The following VTI1A variants were observed in gnomAD, a reference collection of about 807,000 sequenced individuals.
VTI1A encodes vesicle transport through interaction with t-SNAREs 1A.
Under a neutral mutation model 34.9 loss-of-function variants are expected in VTI1A, and 22 were observed. That is an observed-to-expected ratio of 0.63 (90% CI 0.45 to 0.90). The LOEUF is 0.90. Among genes scored for constraint, VTI1A ranks in the 40% least tolerant of loss-of-function variants. VTI1A has a pLI of 0.00. For synonymous variants in VTI1A, 87 were observed against 97.3 expected, an observed-to-expected ratio of 0.89 and a Z score of 0.62; for missense variants, 268 against 275.6, an observed-to-expected ratio of 0.97 and a Z score of 0.20.
At chr10:112,620,663 G>A (rs1049137687) in intron 5 of VTI1A, among the ~76,000 whole-genome samples, 6 of 152,012 alleles carry the variant, frequency 3.9e-5, no homozygotes, top group East Asian at 3.9e-4. Context: ...GGTGGTGGGC[G>A]CCTGTAATCT....
chr10:112,776,448 G>T (rs1192802194), intron 7 of VTI1A, among the ~76,000 whole-genome samples: 1 of 152,124 alleles, frequency 6.6e-6, no homozygotes, highest in Non-Finnish European at 1.5e-5. Flanking sequence ...TAGGCGGTCT[G>T]TTCTGGTCTG....
intron 7 of VTI1A, among the ~76,000 whole-genome samples, chr10:112,683,288 A>G (rs1422727737): frequency 6.6e-6 from 1 of 152,210 alleles, no homozygotes; most frequent in Non-Finnish European, 1.5e-5. Flanking sequence ...TAGGGATGAG[A>G]GTGTAACATA....
At chr10:112,740,215 G>A (rs1345781298) in intron 7 of VTI1A, among the ~76,000 whole-genome samples, 2 of 152,176 alleles carry the variant, frequency 1.3e-5, no homozygotes, top group East Asian at 1.9e-4. Flanking sequence ...GATACTGTAA[G>A]CATTGATTAG....
chr10:112,670,635 T>A (rs1847813670), intron 7 of VTI1A, among the ~76,000 whole-genome samples: 1 of 152,144 alleles, frequency 6.6e-6, no homozygotes, highest in Admixed American at 6.6e-5. Flanking sequence ...TTAGAGAGGG[T>A]GAAGCACAAA....
chr10:112,739,446 A>G (rs11196082), intron 7 of VTI1A, among the ~76,000 whole-genome samples: 2,483 of 152,344 alleles, frequency 0.016, 49 homozygotes, highest in Middle Eastern at 0.024. Context: ...CTTCAAGCCC[A>G]GCTTAAAAAA....
At chr10:112,662,244 A>G (rs1034608179) in intron 5 of VTI1A, among the ~76,000 whole-genome samples, 3 of 152,192 alleles carry the variant, frequency 2.0e-5, no homozygotes, top group Non-Finnish European at 2.9e-5. Context: ...ATATTTATTC[A>G]TACCGTTTTT....
At chr10:112,629,896 A>G (rs1006469996) in intron 5 of VTI1A, among the ~76,000 whole-genome samples, 1 of 152,178 alleles carries the variant, frequency 6.6e-6, no homozygotes, top group Non-Finnish European at 1.5e-5. Flanking sequence ...CTTTCTGTGG[A>G]GTACAGTGGA....
intron 7 of VTI1A, among the ~76,000 whole-genome samples, chr10:112,684,437 C>CTTTTTT (rs35671432): frequency 2.4e-5 from 3 of 123,460 alleles, no homozygotes; most frequent in Admixed American, 8.5e-5. Flanking sequence ...ATGCTCATCT[C>CTTTTTT]TTTTTTTTTT....
chr10:112,809,489 C>G (rs891653623), intron 7 of VTI1A, among the ~76,000 whole-genome samples: 1 of 152,178 alleles, frequency 6.6e-6, no homozygotes, highest in African/African-American at 2.4e-5. Context: ...CAGGGCCAGT[C>G]GGCCAGGCAG....
intron 7 of VTI1A, among the ~76,000 whole-genome samples, chr10:112,726,019 A>G (rs1375822565): frequency 1.3e-5 from 2 of 152,222 alleles, no homozygotes; most frequent in Non-Finnish European, 2.9e-5. Context: ...AGGAAATAGT[A>G]TATAAAGACT....
At chr10:112,611,240 G>A (rs561889139) in intron 5 of VTI1A, among the ~76,000 whole-genome samples, 1 of 152,286 alleles carries the variant, frequency 6.6e-6, no homozygotes, top group African/African-American at 2.4e-5. Flanking sequence ...AAGATTTCTT[G>A]TCTCATTGGA....
At chr10:112,495,196 CTTTTTTTTTTTTT>C (rs751870581) in intron 3 of VTI1A, among the ~76,000 whole-genome samples, 3 of 79,054 alleles carry the variant, frequency 3.8e-5, no homozygotes, top group Non-Finnish European at 7.5e-5. Context: ...CAGTAATGGT[CTTTTTTTTTTTTT>C]TTTTTTTTTT....
chr10:112,493,268 G>T (rs1181404132), intron 3 of VTI1A, among the ~76,000 whole-genome samples: 2 of 150,952 alleles, frequency 1.3e-5, no homozygotes, highest in Non-Finnish European at 3.0e-5. Context: ...TTTTTTCATT[G>T]TTAGTACATG....
At chr10:112,547,321 A>G (rs1851167200) in intron 5 of VTI1A, among the ~76,000 whole-genome samples, 1 of 151,366 alleles carries the variant, frequency 6.6e-6, no homozygotes, top group Non-Finnish European at 1.5e-5. Context: ...TCATGCCTGT[A>G]ATCCCAGCAC....
intron 2 of VTI1A, among the ~76,000 whole-genome samples, chr10:112,463,216 C>T (rs1317721869): frequency 6.6e-6 from 1 of 152,290 alleles, no homozygotes; most frequent in Admixed American, 6.5e-5. Flanking sequence ...TGAGCCACTG[C>T]GCCTGGCCTG....
chr10:112,811,136 CAA>C (rs1853275415), intron 7 of VTI1A, among the ~76,000 whole-genome samples: 2 of 152,142 alleles, frequency 1.3e-5, no homozygotes. Flanking sequence ...TGGCTTAACG[CAA>C]GTCCACTGGG....
At chr10:112,839,536 G>A in the VTI1A span, among the ~76,000 whole-genome samples, 1 of 149,130 alleles carries the variant, frequency 6.7e-6, no homozygotes, top group African/African-American at 2.5e-5. Flanking sequence ...CTGGTTGGGA[G>A]GGTTGGGGGG....
At chr10:112,508,450 G>C (rs188123882) in intron 3 of VTI1A, among the ~76,000 whole-genome samples, 1 of 152,110 alleles carries the variant, frequency 6.6e-6, no homozygotes, top group African/African-American at 2.4e-5. Context: ...AGAATTCAGG[G>C]TATATTTGTT....
chr10:112,591,571 G>T (rs983302533), intron 5 of VTI1A, among the ~76,000 whole-genome samples: 2 of 152,132 alleles, frequency 1.3e-5, no homozygotes, highest in African/African-American at 2.4e-5. Context: ...TTAAACAATT[G>T]TGTACTGTTT....
Sources: gnomAD v4.1 joint callset for allele counts (sites outside exome capture counted in the v4.1 genomes callset) on GRCh38, gnomAD v4.1.1 for gene constraint, MANE v1.5 for transcripts, NCBI Gene and HGNC (gene_info 2026-07-23, HGNC 2026-07-21) for gene names.